The following DSCAML1 variants were observed in gnomAD, a reference collection of about 807,000 sequenced individuals.
DSCAML1 encodes the protein DS cell adhesion molecule like 1.
DSCAML1 carries 38 observed loss-of-function variants against 200.5 expected under a neutral mutation model. That is an observed-to-expected ratio of 0.19 (90% CI 0.15 to 0.25). The LOEUF (loss-of-function observed/expected upper bound fraction) is 0.25, where lower values mean the gene tolerates loss of function less well. Among genes scored for constraint, DSCAML1 ranks in the 10% least tolerant of loss-of-function variants. DSCAML1 has a pLI of 1.00. For synonymous variants in DSCAML1, 1,215 were observed against 1,165.0 expected, an observed-to-expected ratio of 1.04 and a Z score of -0.87; for missense variants, 2,223 against 2,858.8, an observed-to-expected ratio of 0.78 and a Z score of 5.07.
At chr11:117,799,257 A>G (rs947650145), upstream of DSCAML1, among the ~76,000 whole-genome samples, 10 of 152,174 alleles carry the variant, frequency 6.6e-5, no homozygotes, top group African/African-American at 9.7e-5. Context: ...GACCCAGAGC[A>G]CCTGGTCAGG....
rs1321068217 is a variant in DSCAML1, at chr11:117,769,174, TATATATTATACA to T, written c.511+7605_511+7616del. Among the ~76,000 whole-genome samples the T allele has an allele frequency of 6.6e-4, 15 of 22,640 alleles. No homozygotes were observed. In the East Asian group the frequency reaches 0.065, roughly 98 times the overall value. The allele number at this position is 22,640 out of a possible 152,430, so 14.9% of individuals were successfully genotyped here. A position where few individuals can be genotyped will look rare whatever the true frequency, so the allele number is the denominator to read the frequency against. On this transcript the variant is annotated intron_variant, in intron 3 of 32. Transcript: ENST00000651296. ...TATTTTATATATATTATATATTTTA[TATATATTATACA>T]TATATATTTTATATATATTATATAT...
At chr11:117,811,480 A>C (rs149720558) in intron 1 of DSCAML1, among the ~76,000 whole-genome samples, 2,166 of 152,346 alleles carry the variant, frequency 0.014, 47 homozygotes, top group African/African-American at 0.049. Context: ...CATCTCCAGC[A>C]CACAAGAACT....
At chr11:117,776,319 C>T (rs959383813) in intron 3 of DSCAML1, among the ~76,000 whole-genome samples, 18 of 152,192 alleles carry the variant, frequency 1.2e-4, no homozygotes, top group African/African-American at 4.3e-4. Flanking sequence ...AGGAAAGTCC[C>T]CATACACATG....
intron 3 of DSCAML1, among the ~76,000 whole-genome samples, chr11:117,708,554 C>T (rs1197229610): frequency 6.6e-6 from 1 of 152,180 alleles, no homozygotes; most frequent in Non-Finnish European, 1.5e-5. Flanking sequence ...ACATTAAACA[C>T]ACAGTACTTG....
chr11:117,644,618 G>A (rs1474437272), intron 3 of DSCAML1, among the ~76,000 whole-genome samples: 7 of 152,226 alleles, frequency 4.6e-5, no homozygotes, highest in African/African-American at 1.4e-4. Context: ...TATTAAATAC[G>A]TTCAAGAGCC....
rs749746754 is a variant in DSCAML1, at chr11:117,480,590, G to C, written c.2657-19C>G. ...GGGGGCTCTAGGGTGCGGCAGTGGA[G>C]GGGAGGGAAGTGAGGAGGGCAGCAG... On this transcript the variant is annotated intron_variant, in intron 13 of 32. Coordinates refer to ENST00000651296, the MANE Select transcript of DSCAML1 (RefSeq NM_020693.4). The surrounding 1 kb of genome is among the most constrained non-coding windows in gnomAD (Gnocchi z 4.1). 4 of 1,552,302 alleles carry C rather than the reference G, an allele frequency of 2.6e-6. No homozygotes were observed. In the African/African-American group the frequency reaches 5.5e-5, roughly 21 times the overall value.
intron 1 of DSCAML1, among the ~76,000 whole-genome samples, chr11:117,810,438 C>T (rs1164101581): frequency 6.6e-6 from 1 of 151,970 alleles, no homozygotes; most frequent in Non-Finnish European, 1.5e-5. Context: ...ATCTCTGTGC[C>T]CCAATCCCTT....
chr11:117,797,524 C>T (rs1376623993), upstream of DSCAML1, among the ~76,000 whole-genome samples: 4 of 152,236 alleles, frequency 2.6e-5, no homozygotes, highest in Admixed American at 6.5e-5. Context: ...CAAGGACGCC[C>T]GGTTTCTACT....
In DSCAML1 at chr11:117,488,067, A is replaced by C. The variant is rs377394942; in HGVS notation, c.2360-5905T>G. 1.6e-4 allele frequency among the ~76,000 whole-genome samples: 25 copies of C among 151,974 alleles called. No individual in the cohort carries two copies. The East Asian group carries it at 4.8e-3, about 29-fold the overall frequency. On this transcript the variant is annotated intron_variant, in intron 11 of 32. Transcript: ENST00000651296. ...TGAATCAGAGTACTCGTGTCCTTGC[A>C]GATGGGCGCTTTCAGCCCCTTGTCC...
chr11:117,565,302 G>A (rs1305848886), intron 3 of DSCAML1, among the ~76,000 whole-genome samples: 1 of 152,144 alleles, frequency 6.6e-6, no homozygotes, highest in Non-Finnish European at 1.5e-5. Context: ...TTGAATATTT[G>A]TCTTTTCTTT....
intron 20 of DSCAML1, among the ~76,000 whole-genome samples, chr11:117,446,448 A>G (rs1422630509): frequency 6.6e-6 from 1 of 152,370 alleles, no homozygotes; most frequent in East Asian, 1.9e-4. Context: ...TATATGACAG[A>G]AAATGGCTAT....
intron 6 of DSCAML1, among the ~76,000 whole-genome samples, chr11:117,520,418 G>T (rs1592692842): frequency 6.6e-6 from 1 of 152,176 alleles, no homozygotes; most frequent in Non-Finnish European, 1.5e-5. Context: ...GAGAGGAATT[G>T]CAAGTCTAGA....
intron 16 of DSCAML1, among the ~76,000 whole-genome samples, chr11:117,467,144 C>A (rs1194745161): frequency 6.6e-6 from 1 of 151,444 alleles, no homozygotes; most frequent in East Asian, 1.9e-4. Flanking sequence ...CAGGCTCGAA[C>A]CCTGATAGAC....
chr11:117,477,226 C>CACACACACACACACAT (rs397960257), intron 14 of DSCAML1, among the ~76,000 whole-genome samples: 3 of 146,900 alleles, frequency 2.0e-5, no homozygotes, highest in Non-Finnish European at 4.6e-5. Flanking sequence ...CACACACACA[C>CACACACACACACACAT]GTGCACACTC....
chr11:117,670,187 T>C (rs967872073), intron 3 of DSCAML1, among the ~76,000 whole-genome samples: 7 of 152,064 alleles, frequency 4.6e-5, no homozygotes, highest in African/African-American at 1.4e-4. Context: ...CAAACAAATA[T>C]ATGCATAGGA....
intron 21 of DSCAML1, 78 bp from the exon 22 acceptor site, chr11:117,440,014 G>T: frequency 7.9e-7 from 1 of 1,269,902 alleles, no homozygotes; most frequent in Non-Finnish European, 1.1e-6. Context: ...AGGGCCCCCT[G>T]GATTTACAGT....
chr11:117,511,557 G>A (rs1469162439), intron 8 of DSCAML1, among the ~76,000 whole-genome samples: 5 of 152,110 alleles, frequency 3.3e-5, no homozygotes, highest in East Asian at 1.9e-4. Context: ...GGATTTCTCC[G>A]GATGACCAGA....
chr11:117,583,271 C>T (rs2051077764), intron 3 of DSCAML1, among the ~76,000 whole-genome samples: 1 of 152,028 alleles, frequency 6.6e-6, no homozygotes, highest in African/African-American at 2.4e-5. Context: ...TCTGGTGTTC[C>T]CCCTTCCAAG....
chr11:117,438,510 C>T (rs1194861115), intron 24 of DSCAML1, among the ~76,000 whole-genome samples: 1 of 152,064 alleles, frequency 6.6e-6, no homozygotes, highest in Non-Finnish European at 1.5e-5. Context: ...CAGCCCCAGC[C>T]CAGAGCGCTG....
Sources: gnomAD v4.1 joint callset for allele counts (sites outside exome capture counted in the v4.1 genomes callset) on GRCh38, gnomAD v4.1.1 for gene constraint, Gnocchi (gnomAD v3.1) non-coding constraint, MANE v1.5 for transcripts, NCBI Gene and HGNC (gene_info 2026-07-23, HGNC 2026-07-21) for gene names.